The following FUT8 variants were observed in gnomAD, a reference collection of about 807,000 sequenced individuals.
FUT8 encodes the protein alpha-(1,6)-fucosyltransferase.
A neutral mutation model predicts 71.3 loss-of-function variants in FUT8; 29 were observed. That is an observed-to-expected ratio of 0.41 (90% CI 0.30 to 0.55). The LOEUF is 0.55. Ranked by LOEUF, FUT8 falls within the 20% of genes least tolerant of loss-of-function variation. The pLI is 0.34. For synonymous variants in FUT8, 254 were observed against 239.3 expected (o/e 1.06, Z -0.57); for missense variants, 544 against 702.1 (o/e 0.77, Z 2.55).
chr14:65,412,182 G>T, upstream of FUT8: 1 of 456,750 alleles, frequency 2.2e-6, no homozygotes, highest in South Asian at 1.5e-5. Flanking sequence ...ACAAGATAAA[G>T]TAGGGCTTCG....
At chr14:65,701,752 A>G (rs1040134997) in intron 7 of FUT8, among the ~76,000 whole-genome samples, 1 of 152,222 alleles carries the variant, frequency 6.6e-6, no homozygotes, top group Non-Finnish European at 1.5e-5. Context: ...TGAAGTTTAT[A>G]TCATTTATGT....
chr14:65,705,707 A>G (rs1275110677), intron 7 of FUT8, among the ~76,000 whole-genome samples: 1 of 152,254 alleles, frequency 6.6e-6, no homozygotes, highest in Non-Finnish European at 1.5e-5. Context: ...AGTAGCTGCT[A>G]TTCTGTGTTT....
chr14:65,739,191 C>T (rs1210780833), intron 10 of FUT8, among the ~76,000 whole-genome samples: 1 of 151,898 alleles, frequency 6.6e-6, no homozygotes, highest in East Asian at 1.9e-4. Flanking sequence ...TATAACACTG[C>T]CTGGGACATA....
At chr14:65,470,434 G>GCCTGCTCCTGGCTCCCA (rs1555363450) in intron 2 of FUT8, among the ~76,000 whole-genome samples, 6 of 152,256 alleles carry the variant, frequency 3.9e-5, no homozygotes, top group African/African-American at 1.4e-4. Context: ...TTGGGCTGCT[G>GCCTGCTCCTGGCTCCCA]CCTGCTCCTG....
At chr14:65,405,514 A>T in the FUT8 span, among the ~76,000 whole-genome samples, 1 of 152,164 alleles carries the variant, frequency 6.6e-6, no homozygotes, top group African/African-American at 2.4e-5. Context: ...ACATCTAAAA[A>T]TTTTTCCTCT....
At chr14:65,484,920 A>G (rs765052057) in intron 2 of FUT8, among the ~76,000 whole-genome samples, 1 of 151,830 alleles carries the variant, frequency 6.6e-6, no homozygotes, top group African/African-American at 2.4e-5. Context: ...TACGGTGTCT[A>G]ATCTGTTAAT....
chr14:65,661,475 A>G (rs1442747453), intron 6 of FUT8, among the ~76,000 whole-genome samples: 2 of 152,152 alleles, frequency 1.3e-5, no homozygotes, highest in Non-Finnish European at 2.9e-5. Context: ...TCCAGTTTAT[A>G]TTTACTAAAT....
chr14:65,439,938 A>ATGTG (rs543440132), intron 1 of FUT8, among the ~76,000 whole-genome samples: 1,661 of 73,972 alleles, frequency 0.022, 112 homozygotes, highest in Middle Eastern at 0.076. Context: ...GATAAAGAAA[A>ATGTG]TGTGTGTGTG....
upstream of FUT8, chr14:65,410,883 G>A (rs1266565837): frequency 1.3e-5 from 2 of 151,798 alleles, no homozygotes; most frequent in Non-Finnish European, 2.9e-5. Flanking sequence ...TTGGGCTTAA[G>A]TGATCCTTCC....
chr14:65,362,556 G>A, the FUT8 span, among the ~76,000 whole-genome samples: 1 of 152,034 alleles, frequency 6.6e-6, no homozygotes, highest in Non-Finnish European at 1.5e-5. Flanking sequence ...ATTGCTTTAG[G>A]GTCAAGGGTG....
At chr14:65,461,782 G>A (rs2065972295) in intron 2 of FUT8, among the ~76,000 whole-genome samples, 1 of 152,138 alleles carries the variant, frequency 6.6e-6, no homozygotes, top group African/African-American at 2.4e-5. Context: ...AATCAGGGGC[G>A]GCAGCTGAGA....
chr14:65,676,093 A>C (rs1892705063), intron 7 of FUT8, among the ~76,000 whole-genome samples: 1 of 152,222 alleles, frequency 6.6e-6, no homozygotes, highest in Non-Finnish European at 1.5e-5. Flanking sequence ...TAGCTATGTG[A>C]AGCACTTTTA....
intron 2 of FUT8, among the ~76,000 whole-genome samples, chr14:65,460,776 T>G (rs2065958382): frequency 1.3e-5 from 2 of 152,306 alleles, no homozygotes; most frequent in Admixed American, 1.3e-4. Flanking sequence ...AGTTGGATCT[T>G]TCAGTGGTGG....
intron 3 of FUT8, among the ~76,000 whole-genome samples, chr14:65,600,620 T>C (rs752836387): frequency 6.6e-6 from 1 of 152,192 alleles, no homozygotes; most frequent in Non-Finnish European, 1.5e-5. Flanking sequence ...GTAAAAAATA[T>C]GCATAAGACG....
Position 65,597,394 on chromosome 14 carries a change from C to G in FUT8, c.204-18584C>G, listed in dbSNP as rs538472833. On this transcript the variant is annotated intron_variant, in intron 3 of 10. Coordinates refer to ENST00000673929, the MANE Select transcript of FUT8 (RefSeq NM_001371533.1). ...CTGTAATCCCAGCACTTTGGGAGGCCGAGGCGGGTGGATCACGAGGTCAGG... is the reference window on the plus strand; with the variant it reads ...CTGTAATCCCAGCACTTTGGGAGGCGGAGGCGGGTGGATCACGAGGTCAGG... Among the ~76,000 whole-genome samples the G allele has an allele frequency of 2.8e-3, 431 of 151,366 alleles. 2 individuals are homozygous for G. Among genetic ancestry groups the G allele is most frequent in the African/African-American group, 9.9e-3 (410 of 41,228 alleles).
At chr14:65,633,143 C>G (rs1037449127) in intron 6 of FUT8, among the ~76,000 whole-genome samples, 3 of 151,798 alleles carry the variant, frequency 2.0e-5, no homozygotes, top group African/African-American at 7.3e-5. Context: ...CTCAGCCTGC[C>G]GAGTGCCTGC....
intron 7 of FUT8, among the ~76,000 whole-genome samples, chr14:65,693,719 AG>A: frequency 2.6e-5 from 4 of 152,326 alleles, no homozygotes; most frequent in African/African-American, 9.6e-5. Context: ...TGATTTAGGA[AG>A]GATTCCTTCT....
chr14:65,719,978 C>G (rs1382070333), intron 7 of FUT8, among the ~76,000 whole-genome samples: 2 of 152,206 alleles, frequency 1.3e-5, no homozygotes, highest in Admixed American at 1.3e-4. Flanking sequence ...CCTGTGTTGG[C>G]TCAAAGTTCT....
chr14:65,467,763 C>G lies in FUT8; in HGVS notation c.-228+12045C>G, dbSNP rs1022443068. 3.3e-6 allele frequency: 2 copies of G among 601,304 alleles called. No individual in the cohort carries two copies. Among genetic ancestry groups the G allele is most frequent in the African/African-American group, 1.9e-5 (1 of 53,228 alleles). The allele number at this position is 601,304 out of a possible 1,614,324, so 37.2% of individuals were successfully genotyped here. The stretch of plus-strand genomic sequence containing the variant: ...TGCTGGGATTACAGGTGTGAGCCAC[C>G]GTGCCCAGCCAGTCTAGAGGTCTTT... On this transcript the variant is annotated intron_variant, in intron 2 of 10. Coordinates refer to ENST00000673929, the MANE Select transcript of FUT8 (RefSeq NM_001371533.1). The surrounding 1 kb of genome is among the most constrained non-coding windows in gnomAD (Gnocchi z 4.1).
Sources: allele counts gnomAD v4.1 joint callset (sites outside exome capture counted in the v4.1 genomes callset), GRCh38; gene constraint gnomAD v4.1.1; non-coding constraint Gnocchi (gnomAD v3.1); transcripts MANE v1.5; gene names NCBI Gene and HGNC (gene_info 2026-07-23, HGNC 2026-07-21).